Variants in NKAIN3 observed in about 807,000 individuals in gnomAD.
NKAIN3 encodes sodium/potassium-transporting ATPase subunit beta-1-interacting protein 3.
NKAIN3 carries 25 observed loss-of-function variants against 30.2 expected under a neutral mutation model. The observed-to-expected ratio is 0.83, with a 90% CI of 0.60 to 1.16. The LOEUF (loss-of-function observed/expected upper bound fraction) is 1.16. Ranked by LOEUF, NKAIN3 falls within the 50% of genes most tolerant of loss-of-function variation. The pLI, the probability that NKAIN3 is intolerant of heterozygous loss-of-function variation, is 0.00. For synonymous variants in NKAIN3, 91 were observed against 89.6 expected (o/e 1.02, Z -0.09); for missense variants, 225 against 254.1 (o/e 0.89, Z 0.78).
chr8:62,948,763 A>G (rs1187563539), intron 5 of NKAIN3, among the ~76,000 whole-genome samples: 2 of 152,206 alleles, frequency 1.3e-5, no homozygotes, highest in East Asian at 3.9e-4. Context: ...TACTAATGTA[A>G]TGTCTAGATG....
chr8:62,394,656 A>G (rs551309267), intron 1 of NKAIN3, among the ~76,000 whole-genome samples: 1 of 152,242 alleles, frequency 6.6e-6, no homozygotes, highest in African/African-American at 2.4e-5. Context: ...CTCACTTCCC[A>G]GACCTGGCGG....
At chr8:62,279,887 G>A (rs1813114323) in intron 1 of NKAIN3, among the ~76,000 whole-genome samples, 1 of 152,164 alleles carries the variant, frequency 6.6e-6, no homozygotes, top group South Asian at 2.1e-4. Context: ...GAACTTTAAA[G>A]TAGTTTTTTC....
chr8:62,871,023 A>G (rs1262427433), intron 4 of NKAIN3, among the ~76,000 whole-genome samples: 1 of 152,128 alleles, frequency 6.6e-6, no homozygotes, highest in African/African-American at 2.4e-5. Context: ...TAACATTGAC[A>G]AACAAAAATT....
intron 1 of NKAIN3, among the ~76,000 whole-genome samples, chr8:62,578,610 C>T (rs541783211): frequency 6.6e-5 from 10 of 151,994 alleles, no homozygotes; most frequent in African/African-American, 2.4e-4. Context: ...ATTTGGCTAA[C>T]GTATATTTCA....
At chr8:62,577,478 G>GT (rs748208729) in intron 1 of NKAIN3, among the ~76,000 whole-genome samples, 2,989 of 121,542 alleles carry the variant, frequency 0.025, 87 homozygotes, top group African/African-American at 0.075. Context: ...TTTTTTTTTG[G>GT]TTTTTTTTTT....
At chr8:62,251,964 A>G (rs1424296031) in intron 1 of NKAIN3, among the ~76,000 whole-genome samples, 1 of 152,190 alleles carries the variant, frequency 6.6e-6, no homozygotes, top group East Asian at 1.9e-4. Flanking sequence ...TTTAAATTTA[A>G]GTTTGCATAA....
chr8:62,805,721 C>T (rs1196142269), intron 4 of NKAIN3, among the ~76,000 whole-genome samples: 1 of 152,172 alleles, frequency 6.6e-6, no homozygotes, highest in Non-Finnish European at 1.5e-5. Flanking sequence ...CTAGGCATTA[C>T]CATTCAGGAC....
intron 5 of NKAIN3, among the ~76,000 whole-genome samples, chr8:62,951,212 A>G (rs1050328080): frequency 4.6e-5 from 7 of 152,068 alleles, no homozygotes; most frequent in Non-Finnish European, 4.4e-5. Flanking sequence ...TCTTCCCACC[A>G]TATCCAGCTG....
chr8:62,495,927 C>T (rs1485592552), intron 1 of NKAIN3, among the ~76,000 whole-genome samples: 1 of 152,124 alleles, frequency 6.6e-6, no homozygotes, highest in Non-Finnish European at 1.5e-5. Flanking sequence ...GCTATGCTGA[C>T]TCCAGGCCAG....
At chr8:62,785,465 T>C (rs191824538) in intron 4 of NKAIN3, among the ~76,000 whole-genome samples, 9 of 152,190 alleles carry the variant, frequency 5.9e-5, no homozygotes, top group Admixed American at 5.9e-4. Context: ...TTAATGGGCA[T>C]TGGGTTTCTT....
At chr8:62,308,789 G>C (rs1814335798) in intron 1 of NKAIN3, among the ~76,000 whole-genome samples, 1 of 150,614 alleles carries the variant, frequency 6.6e-6, no homozygotes, top group Non-Finnish European at 1.5e-5. Flanking sequence ...GAGAGCAGGT[G>C]CAGAAAGAGA....
intron 4 of NKAIN3, among the ~76,000 whole-genome samples, chr8:62,845,926 T>C (rs899699903): frequency 6.6e-6 from 1 of 152,146 alleles, no homozygotes; most frequent in African/African-American, 2.4e-5. Context: ...ATTTACTTAA[T>C]AAAAACAAAC....
chr8:62,684,607 C>G (rs557209390), intron 3 of NKAIN3, among the ~76,000 whole-genome samples: 2 of 152,196 alleles, frequency 1.3e-5, no homozygotes, highest in Non-Finnish European at 2.9e-5. Flanking sequence ...CCTAACACCT[C>G]TGTTCTCAGA....
chr8:62,251,971 A>G (rs1463325869), intron 1 of NKAIN3, among the ~76,000 whole-genome samples: 4 of 152,194 alleles, frequency 2.6e-5, no homozygotes, highest in Non-Finnish European at 4.4e-5. Flanking sequence ...TTAAGTTTGC[A>G]TAATTTAATT....
intron 1 of NKAIN3, among the ~76,000 whole-genome samples, chr8:62,271,784 C>G (rs1027466077): frequency 6.6e-6 from 1 of 152,124 alleles, no homozygotes. Context: ...AGTGATTCTT[C>G]AAAGAACATT....
chr8:62,568,561 A>T (rs1403477931), intron 1 of NKAIN3, among the ~76,000 whole-genome samples: 1 of 152,210 alleles, frequency 6.6e-6, no homozygotes, highest in African/African-American at 2.4e-5. Context: ...TGTCCTTCAC[A>T]TGCACTTTTT....
chr8:62,994,174 A>T (rs1804049213), intron 5 of NKAIN3, among the ~76,000 whole-genome samples: 1 of 152,208 alleles, frequency 6.6e-6, no homozygotes, highest in South Asian at 2.1e-4. Context: ...GCTTTCATCG[A>T]AGCATTTTGG....
At chr8:62,585,391 T>G (rs1810436724) in intron 2 of NKAIN3, among the ~76,000 whole-genome samples, 1 of 152,160 alleles carries the variant, frequency 6.6e-6, no homozygotes, top group African/African-American at 2.4e-5. Flanking sequence ...TGAAAACAAC[T>G]TTGCCACATA....
rs998674193 is a variant in NKAIN3, at chr8:62,981,741, C to T, written c.*16334C>T. ...GCAACCTTATGTATCCACAACAGAA[C>T]TAAGGACCGAAAAAAAAAAAAAAAA... On this transcript the variant is annotated 3_prime_UTR_variant, in exon 7 of 7. Transcript: ENST00000623646. The T allele has an allele frequency of 7.0e-5, 9 of 128,554 alleles. No individual in the cohort carries two copies. The highest frequency in any genetic ancestry group is 1.5e-4 in the African/African-American group (5 of 34,086). The allele number at this position is 128,554 out of a possible 1,614,324, so 8.0% of individuals were successfully genotyped here. A position where few individuals can be genotyped will look rare whatever the true frequency, so the allele number is the denominator to read the frequency against.
Sources: allele counts gnomAD v4.1 joint callset (sites outside exome capture counted in the v4.1 genomes callset), GRCh38; gene constraint gnomAD v4.1.1; transcripts MANE v1.5; gene names NCBI Gene and HGNC (gene_info 2026-07-23, HGNC 2026-07-21).